The following GAP43 variants were observed in gnomAD, a reference collection of about 807,000 sequenced individuals.
GAP43 encodes the protein neuromodulin.
In GAP43, 6 loss-of-function variants were observed where a neutral mutation model predicts 18.6. The ratio of observed to expected loss-of-function variants is 0.32; its 90% CI spans 0.18 to 0.64. The LOEUF is 0.64. GAP43 is among the 30% of genes least tolerant of loss of function. GAP43 has a pLI of 0.78. For synonymous variants in GAP43, 115 were observed against 111.4 expected (o/e 1.03, Z -0.20); for missense variants, 292 against 295.5 (o/e 0.99, Z 0.09).
rs535978644 is a variant in GAP43, at chr3:115,683,613, C to A, written c.628+7003C>A. 5.9e-5 allele frequency among the ~76,000 whole-genome samples: 9 copies of A among 152,144 alleles called. No homozygotes were observed. The South Asian group carries it at 1.9e-3, about 32-fold the overall frequency. ...ATAATTTGCTATCAATATTTCATTT[C>A]CATCTTACACTTAATTCAATATCAG... is the stretch of plus-strand genomic sequence containing the variant. On this transcript the variant is annotated intron_variant, in intron 2 of 2. Transcript: ENST00000305124.
intron 1 of GAP43, among the ~76,000 whole-genome samples, chr3:115,642,890 A>C (rs12630234): frequency 0.056 from 8,524 of 152,056 alleles, 529 homozygotes; most frequent in East Asian, 0.15. Context: ...TTTTAGGGGT[A>C]TATGTGTGTG....
At chr3:115,670,291 C>A (rs1708800643) in intron 1 of GAP43, among the ~76,000 whole-genome samples, 1 of 149,456 alleles carries the variant, frequency 6.7e-6, no homozygotes, top group Non-Finnish European at 1.5e-5. Context: ...ATGATGGTTT[C>A]CAATTTCATC....
chr3:115,627,593 G>T (rs1708206965), intron 1 of GAP43, among the ~76,000 whole-genome samples: 1 of 152,090 alleles, frequency 6.6e-6, no homozygotes, highest in Non-Finnish European at 1.5e-5. Flanking sequence ...CAAGAATAGA[G>T]CATATATATT....
At chr3:115,714,021 T>C (rs1343534940) in intron 2 of GAP43, among the ~76,000 whole-genome samples, 1 of 152,210 alleles carries the variant, frequency 6.6e-6, no homozygotes, top group Non-Finnish European at 1.5e-5. Context: ...CTTTCTCCAA[T>C]AAACAACACA....
intron 1 of GAP43, among the ~76,000 whole-genome samples, chr3:115,633,486 G>A (rs1312852512): frequency 6.6e-6 from 1 of 152,144 alleles, no homozygotes; most frequent in Non-Finnish European, 1.5e-5. Flanking sequence ...ACCCGAGTCA[G>A]AAGGAACTTA....
At chr3:115,719,011 G>A (rs1434883556) in intron 2 of GAP43, among the ~76,000 whole-genome samples, 2 of 152,056 alleles carry the variant, frequency 1.3e-5, no homozygotes, top group Non-Finnish European at 2.9e-5. Flanking sequence ...CAACATCTAT[G>A]TACAGTAAAA....
At chr3:115,628,671 C>T (rs145884392) in intron 1 of GAP43, among the ~76,000 whole-genome samples, 3 of 152,244 alleles carry the variant, frequency 2.0e-5, no homozygotes, top group African/African-American at 7.2e-5. Context: ...TCTCCTTATT[C>T]TCCCTCTCAG....
At chr3:115,715,359 A>T (rs750973207) in intron 2 of GAP43, among the ~76,000 whole-genome samples, 1 of 152,214 alleles carries the variant, frequency 6.6e-6, no homozygotes, top group Non-Finnish European at 1.5e-5. Context: ...TCACACTAGC[A>T]CTTCCAGGCT....
intron 2 of GAP43, among the ~76,000 whole-genome samples, chr3:115,684,903 C>CT (rs2107353996): frequency 6.6e-6 from 1 of 152,318 alleles, no homozygotes; most frequent in South Asian, 2.1e-4. Context: ...TATTTAAAAA[C>CT]TTGAGACACC....
chr3:115,634,411 G>C (rs1708303753), intron 1 of GAP43, among the ~76,000 whole-genome samples: 1 of 151,862 alleles, frequency 6.6e-6, no homozygotes, highest in South Asian at 2.1e-4. Flanking sequence ...TGTTTCCAAG[G>C]GATTTATTCT....
At chr3:115,675,490 G>A (rs554340828) in intron 1 of GAP43, among the ~76,000 whole-genome samples, 7 of 152,174 alleles carry the variant, frequency 4.6e-5, no homozygotes, top group Non-Finnish European at 7.4e-5. Context: ...GGCCAGATGC[G>A]GTGGCTCACG....
intron 2 of GAP43, among the ~76,000 whole-genome samples, chr3:115,686,337 C>G (rs1709032253): frequency 6.6e-6 from 1 of 152,180 alleles, no homozygotes; most frequent in Admixed American, 6.5e-5. Flanking sequence ...GAAGTACTTT[C>G]AACATTCGCA....
chr3:115,668,502 G>A (rs528313810), intron 1 of GAP43, among the ~76,000 whole-genome samples: 16 of 152,198 alleles, frequency 1.1e-4, no homozygotes, highest in Admixed American at 1.0e-3. Context: ...TCAGCTCATC[G>A]CAACCTCCGC....
At chr3:115,710,738 T>TA (rs965609266) in intron 2 of GAP43, among the ~76,000 whole-genome samples, 4 of 152,102 alleles carry the variant, frequency 2.6e-5, no homozygotes, top group African/African-American at 7.2e-5. Flanking sequence ...GAAAACTGGG[T>TA]AAAAAAAATA....
intron 1 of GAP43, among the ~76,000 whole-genome samples, chr3:115,628,117 G>C (rs77297229): frequency 1.1e-3 from 163 of 152,044 alleles, no homozygotes; most frequent in African/African-American, 3.8e-3. Flanking sequence ...TTTGAGGCTT[G>C]TCTTAGAGGC....
chr3:115,634,050 C>A (rs1708297537), intron 1 of GAP43, among the ~76,000 whole-genome samples: 1 of 152,062 alleles, frequency 6.6e-6, no homozygotes. Flanking sequence ...AGCCTTACAT[C>A]CATTATTTAT....
rs73858054 is a variant in GAP43 at position 115,665,686 on chromosome 3, G to A, written c.31-10327G>A. Among the ~76,000 whole-genome samples, 1,314 of 152,166 alleles carry A rather than the reference G, an allele frequency of 8.6e-3. 23 individuals carry two copies. Among genetic ancestry groups the A allele is most frequent in the African/African-American group, 0.03 (1,246 of 41,508 alleles). On this transcript the variant is annotated intron_variant, in intron 1 of 2. Transcript: ENST00000305124. ...TAGCATGCATTCTGACACGTATTGT[G>A]TATCCTTACTAGATATGAGGTATAT...
chr3:115,641,543 C>CACAGACAT (rs148731356), intron 1 of GAP43, among the ~76,000 whole-genome samples: 16,354 of 150,282 alleles, frequency 0.11, 872 homozygotes, highest in Admixed American at 0.11. Flanking sequence ...CACACACACA[C>CACAGACAT]GGTGCTTTCC....
In GAP43 at chr3:115,711,513, C is replaced by A. The variant is rs202203950; in HGVS notation, c.629-9281C>A. ...TCTAAATACACACACACACACACAC[C>A]CCCCTACAGAAAGGAGGAAAACAAA... On this transcript the variant is annotated intron_variant, in intron 2 of 2. Coordinates refer to ENST00000305124, the MANE Select transcript of GAP43 (RefSeq NM_002045.4). Among the ~76,000 whole-genome samples, 1,176 of 132,712 alleles carry A rather than the reference C, an allele frequency of 8.9e-3. 15 individuals are homozygous for A. The highest frequency in any genetic ancestry group is 0.028 in the African/African-American group (1,087 of 38,890). The allele number at this position is 132,712 out of a possible 152,430, so 87.1% of individuals were successfully genotyped here. A position where few individuals can be genotyped will look rare whatever the true frequency, so the allele number is the denominator to read the frequency against.
Sources: gnomAD v4.1 joint callset for allele counts (sites outside exome capture counted in the v4.1 genomes callset) on GRCh38, gnomAD v4.1.1 for gene constraint, MANE v1.5 for transcripts, NCBI Gene and HGNC (gene_info 2026-07-23, HGNC 2026-07-21) for gene names.